MANSC4: variants seen among roughly 807,000 people sequenced by gnomAD.
MANSC4 encodes MANSC domain containing 4.
Under a neutral mutation model 11.4 loss-of-function variants are expected in MANSC4, and 11 were observed. That is an observed-to-expected ratio of 0.97 (90% CI 0.61 to 1.60). The LOEUF (loss-of-function observed/expected upper bound fraction) is 1.60, where lower values mean the gene tolerates loss of function less well. Ranked by LOEUF, MANSC4 falls within the 40% of genes most tolerant of loss-of-function variation. MANSC4 has a pLI of 0.00. For missense variants in MANSC4, 354 were observed against 404.6 expected, an observed-to-expected ratio of 0.88 and a Z score of 1.07; for synonymous variants, 123 against 147.1, an observed-to-expected ratio of 0.84 and a Z score of 1.19.
rs1193004129 is a variant in MANSC4 at position 27,763,234 on chromosome 12, G to C, written c.527C>G (p.Ser176Ter). 1 of 1,551,724 alleles carries C rather than the reference G, an allele frequency of 6.4e-7. No individual in the cohort carries two copies. Among genetic ancestry groups the C allele is most frequent in the South Asian group, 1.2e-5 (1 of 84,062 alleles). ...TACAACCAAATCTTGATGCGTGGTT[G>C]AGGATGGAGCCTCTGTGGATGGCAG... is the stretch of plus-strand genomic sequence containing the variant. ...GMLPSTEAPS[S>*]TTHQDLVVNT... The change falls in exon 4 of 4, where the codon TCA becomes TGA. Residue 176 changes from serine (S) to a stop codon, truncating the protein, a stop_gained. Transcript: ENST00000381273. LOFTEE classifies it low-confidence loss of function (END_TRUNC).
chr12:27,770,824 C>A (rs1231331353), intron 2 of MANSC4, among the ~76,000 whole-genome samples: 1 of 152,176 alleles, frequency 6.6e-6, no homozygotes, highest in East Asian at 1.9e-4. Context: ...TAGGTGCTAT[C>A]AAATTCTGGG....
intron 1 of MANSC4, among the ~76,000 whole-genome samples, chr12:27,777,187 T>G (rs2062122292): frequency 6.6e-6 from 1 of 152,222 alleles, no homozygotes; most frequent in Admixed American, 6.5e-5. Context: ...TGAATTGCCT[T>G]TCTAATGCAC....
intron 1 of MANSC4, among the ~76,000 whole-genome samples, chr12:27,779,329 GA>G (rs2062133412): frequency 6.6e-6 from 1 of 152,206 alleles, no homozygotes; most frequent in Non-Finnish European, 1.5e-5. Context: ...GACTGAAGTA[GA>G]AAAGCAATGG....
intron 2 of MANSC4, among the ~76,000 whole-genome samples, chr12:27,769,332 T>A (rs2062089547): frequency 6.6e-6 from 1 of 152,240 alleles, no homozygotes; most frequent in Non-Finnish European, 1.5e-5. Flanking sequence ...ATCCCAGCTC[T>A]GAGCAGGATT....
At chr12:27,773,488 A>G (rs1394401856) in intron 1 of MANSC4, among the ~76,000 whole-genome samples, 1 of 152,198 alleles carries the variant, frequency 6.6e-6, no homozygotes, top group African/African-American at 2.4e-5. Context: ...AGGCCTTGTT[A>G]TCAAATACCC....
Position 27,763,356 on chromosome 12 carries a change from T to G in MANSC4, c.405A>C (p.Thr135=). 4.5e-6 allele frequency: 7 copies of G among 1,549,704 alleles called. No homozygotes were observed. The highest frequency in any genetic ancestry group is 6.1e-6 in the Non-Finnish European group (7 of 1,145,674). Residue 135 remains threonine (T), a synonymous_variant, in exon 4 of 4, where the codon ACA becomes ACC. Coordinates refer to ENST00000381273, the MANE Select transcript of MANSC4 (RefSeq NM_001146221.5). ...PDLLVFEQSP[T]YLNTRSSSNR... ...TGGATGAAGAACGAGTATTTAGATA[T>G]GTGGGAGATTGTTCAAAAACCAGCA...
At chr12:27,769,102 A>T (rs913577800) in intron 2 of MANSC4, among the ~76,000 whole-genome samples, 1 of 152,070 alleles carries the variant, frequency 6.6e-6, no homozygotes, top group Non-Finnish European at 1.5e-5. Context: ...ATGTTGCCGC[A>T]CTCTATTTTT....
intron 3 of MANSC4, 46 bp downstream of exon 3, chr12:27,766,619 A>G: frequency 1.3e-6 from 2 of 1,537,814 alleles, no homozygotes; most frequent in Non-Finnish European, 1.8e-6. Flanking sequence ...CCTCTACTAG[A>G]ATATCGCCAG....
intron 3 of MANSC4, among the ~76,000 whole-genome samples, chr12:27,766,221 C>T (rs529246877): frequency 6.6e-6 from 1 of 152,276 alleles, no homozygotes; most frequent in African/African-American, 2.4e-5. Flanking sequence ...GTGTGCGCCA[C>T]CACGCACAGC....
In MANSC4 at chr12:27,766,691, C is replaced by G. The variant is rs1027181358; in HGVS notation, c.338G>C (p.Ser113Thr). 2 of 1,551,456 alleles carry G rather than the reference C, an allele frequency of 1.3e-6. No homozygotes were observed. Among genetic ancestry groups the G allele is most frequent in the African/African-American group, 2.7e-5 (2 of 73,158 alleles). ...LESCILEPGT[S>T]AILYNITDGI... is the part of the protein sequence containing the mutation. ...GTCTGTTATGTTGTACAAAATGGCA[C>G]TGGTTCCAGGCTCTAATATGCAGCT... The change falls in exon 3 of 4, where the codon AGT (serine) becomes ACT (threonine). Residue 113 changes from serine (S) to threonine (T), a missense_variant. Coordinates refer to ENST00000381273, the MANE Select transcript of MANSC4 (RefSeq NM_001146221.5).
At chr12:27,777,214 G>A (rs956021395) in intron 1 of MANSC4, among the ~76,000 whole-genome samples, 1 of 152,256 alleles carries the variant, frequency 6.6e-6, no homozygotes, top group East Asian at 1.9e-4. Flanking sequence ...CTTTGAGCAT[G>A]ATTTTTTTGG....
chr12:27,777,782 C>A (rs571332340), intron 1 of MANSC4, among the ~76,000 whole-genome samples: 2 of 152,048 alleles, frequency 1.3e-5, no homozygotes, highest in South Asian at 4.2e-4. Context: ...TTATTCCTAG[C>A]ATTATTATAA....
At chr12:27,767,437 C>T (rs2062077152) in intron 2 of MANSC4, among the ~76,000 whole-genome samples, 1 of 152,226 alleles carries the variant, frequency 6.6e-6, no homozygotes, top group South Asian at 2.1e-4. Context: ...GGCGTGGTGG[C>T]TCATTCCCGT....
At chr12:27,779,714 C>G (rs2062135027) in intron 1 of MANSC4, 1 of 152,394 alleles carries the variant, frequency 6.6e-6, no homozygotes, top group Non-Finnish European at 1.5e-5. Context: ...TCCCTTTCCT[C>G]CCACGCTCAT....
rs1265991980 is a variant in MANSC4, at chr12:27,762,778, T to C, written c.983A>G (p.Gln328Arg). Reference protein sequence around the residue: ...KPGQRKSGSLQIKNRNHMKEN... With the variant: ...KPGQRKSGSLRIKNRNHMKEN... ...CTTCATATGGTTACGGTTTTTAATT[T>C]GCAAGGATCCTGATTTTCTCTGTCC... The change falls in exon 4 of 4, where the codon CAA becomes CGA. Residue 328 changes from glutamine (Q) to arginine (R), a missense_variant. By Grantham distance (43) the Gln-to-Arg change is conservative. Coordinates refer to ENST00000381273, the MANE Select transcript of MANSC4 (RefSeq NM_001146221.5). 6 of 1,546,512 alleles carry C rather than the reference T, an allele frequency of 3.9e-6. No individual in the cohort carries two copies. The African/African-American group carries it at 6.9e-5, about 18-fold the overall frequency.
intron 3 of MANSC4, among the ~76,000 whole-genome samples, chr12:27,765,726 A>G (rs1591808364): frequency 6.6e-6 from 1 of 152,220 alleles, no homozygotes; most frequent in Non-Finnish European, 1.5e-5. Flanking sequence ...TATGGCTGCG[A>G]TCTTCCACAG....
intron 1 of MANSC4, among the ~76,000 whole-genome samples, chr12:27,775,060 TAA>T (rs1167019367): frequency 6.9e-6 from 1 of 145,012 alleles, no homozygotes; most frequent in African/African-American, 2.8e-5. Context: ...AATAAATAAA[TAA>T]ATAAATAAGA....
At chr12:27,775,864 C>T (rs1248865098) in intron 1 of MANSC4, among the ~76,000 whole-genome samples, 5 of 150,224 alleles carry the variant, frequency 3.3e-5, no homozygotes, top group East Asian at 3.9e-4. Flanking sequence ...CTGAGGTGGG[C>T]GGATTACCTG....
In MANSC4 at chr12:27,771,159, C is replaced by T. The variant is rs776450966; in HGVS notation, c.118G>A (p.Gly40Ser). 2 of 1,552,008 alleles carry T rather than the reference C, an allele frequency of 1.3e-6. No homozygotes were observed. Among genetic ancestry groups the T allele is most frequent in the South Asian group, 2.4e-5 (2 of 84,062 alleles). Residue 40 changes from glycine to serine, a missense_variant, in exon 2 of 4, where the codon GGT becomes AGT. Physicochemically the swap from Gly to Ser is moderately conservative, Grantham distance 56. Transcript: ENST00000381273. ...GACTCCTCCAGATTGATTAGAAGAC[C>T]TGGGAAGCGACGGATCCAGCAGTCT... is the stretch of plus-strand genomic sequence containing the variant. ...YRDCWIRRFPGLLINLEESQK... is the reference protein window; with the variant it reads ...YRDCWIRRFPSLLINLEESQK...
Sources: gnomAD v4.1 joint callset for allele counts (sites outside exome capture counted in the v4.1 genomes callset) on GRCh38, gnomAD v4.1.1 for gene constraint, MANE v1.5 for transcripts, NCBI Gene and HGNC (gene_info 2026-07-23, HGNC 2026-07-21) for gene names.